The following PDE4D variants were observed in gnomAD, a reference collection of about 807,000 sequenced individuals.
PDE4D encodes phosphodiesterase 4D, also known as 3',5'-cyclic-AMP phosphodiesterase 4D.
In PDE4D, 24 loss-of-function variants were observed where a neutral mutation model predicts 87.4. That is an observed-to-expected ratio of 0.27 (90% CI 0.20 to 0.39). The LOEUF is 0.39. PDE4D is among the 10% of genes least tolerant of loss of function. The probability of loss-of-function intolerance (pLI) is 1.00; values close to 1 mark genes in which losing one functional copy is unlikely to be tolerated. For synonymous variants in PDE4D, 384 were observed against 383.2 expected (o/e 1.00, Z -0.02); for missense variants, 714 against 1,041.0 (o/e 0.69, Z 4.32).
Position 58,990,906 on chromosome 5 carries a change from G to C in PDE4D, c.1189-4C>G, listed in dbSNP as rs748827625. On this transcript the variant is annotated splice_polypyrimidine_tract_variant and splice_region_variant and intron_variant, in intron 8 of 14. Transcript: ENST00000340635. The stretch of plus-strand genomic sequence containing the variant: ...ATTTGTTCACATCTTCTAGTTCCTG[G>C]AGTGAAAAAAAAAAAAAGATACTAA... 1.6e-5 allele frequency: 23 copies of C among 1,447,172 alleles called. No homozygotes were observed. Among genetic ancestry groups the C allele is most frequent in the Non-Finnish European group, 1.9e-5 (20 of 1,058,992 alleles). 89.6% of individuals were successfully genotyped at this position (1,447,172 alleles called of 1,614,324 possible). A position where few individuals can be genotyped will look rare whatever the true frequency, so the allele number is the denominator to read the frequency against.
chr5:59,250,778 C>T (rs532580680), intron 1 of PDE4D, among the ~76,000 whole-genome samples: 5 of 152,118 alleles, frequency 3.3e-5, no homozygotes, highest in Non-Finnish European at 5.9e-5. Flanking sequence ...CAACTTCAAA[C>T]TATAATACAA....
intron 3 of PDE4D, among the ~76,000 whole-genome samples, chr5:59,913,286 T>A (rs1753649566): frequency 1.3e-5 from 2 of 152,204 alleles, no homozygotes; most frequent in African/African-American, 4.8e-5. Context: ...AAACATTGAC[T>A]CTTTCAAGTC....
At chr5:60,452,137 T>A (rs72755123) in intron 1 of PDE4D, among the ~76,000 whole-genome samples, 265 of 152,168 alleles carry the variant, frequency 1.7e-3, no homozygotes, top group Non-Finnish European at 3.1e-3. Flanking sequence ...AAGAAAAGCC[T>A]CAGGATTTGG....
chr5:59,296,659 G>A (rs528671973), intron 1 of PDE4D, among the ~76,000 whole-genome samples: 3 of 152,188 alleles, frequency 2.0e-5, no homozygotes, highest in South Asian at 2.1e-4. Context: ...GCAGCTGTAA[G>A]TTGATGTTTA....
chr5:59,380,027 T>C (rs1490039583), intron 1 of PDE4D, among the ~76,000 whole-genome samples: 2 of 152,094 alleles, frequency 1.3e-5, no homozygotes, highest in Non-Finnish European at 2.9e-5. Context: ...ACTGTTACCA[T>C]CTTTGTGTCC....
intron 1 of PDE4D, among the ~76,000 whole-genome samples, chr5:60,519,889 G>A (rs2150265334): frequency 6.6e-6 from 1 of 152,234 alleles, no homozygotes; most frequent in Non-Finnish European, 1.5e-5. Context: ...ATATATGTAG[G>A]AGAAAAAACA....
intron 1 of PDE4D, among the ~76,000 whole-genome samples, chr5:60,200,860 A>C (rs1046465788): frequency 2.0e-5 from 3 of 152,188 alleles, no homozygotes; most frequent in African/African-American, 7.2e-5. Context: ...GTAATAGACC[A>C]AGGGAAAAGA....
In PDE4D at chr5:58,974,672, C is replaced by T; in HGVS notation, c.2422G>A (p.Asp808Asn). The T allele has an allele frequency of 6.4e-7, 1 of 1,563,538 alleles. No individual in the cohort carries two copies. Among genetic ancestry groups the T allele is most frequent in the Non-Finnish European group, 8.7e-7 (1 of 1,154,326 alleles). ...TGAAAGTTTTTGCACTGTTACGTGT[C>T]AGGAGAACGATCATCTATGACACAG... is the stretch of plus-strand genomic sequence containing the variant. ...EACVIDDRSP[D>N]T Residue 808 changes from aspartate to asparagine, a missense_variant, in exon 15 of 15, where the codon GAC becomes AAC. By Grantham distance (23) the Asp-to-Asn change is conservative. Transcript: ENST00000340635.
chr5:60,348,087 C>A (rs1295698882), intron 1 of PDE4D, among the ~76,000 whole-genome samples: 3 of 151,302 alleles, frequency 2.0e-5, no homozygotes, highest in African/African-American at 7.3e-5. Context: ...TCAAGTGTTT[C>A]TTAATTTGAC....
chr5:59,124,832 G>A (rs1165670141), intron 5 of PDE4D, among the ~76,000 whole-genome samples: 2 of 152,116 alleles, frequency 1.3e-5, no homozygotes, highest in Non-Finnish European at 2.9e-5. Flanking sequence ...TGGCAGTGAT[G>A]GTGGGGAAAT....
At chr5:59,577,205 T>C (rs564296732) in intron 1 of PDE4D, among the ~76,000 whole-genome samples, 3 of 152,282 alleles carry the variant, frequency 2.0e-5, no homozygotes, top group South Asian at 2.1e-4. Context: ...ATATGGAATA[T>C]GTTTTCTCAA....
Position 59,871,593 on chromosome 5 carries a change from G to T in PDE4D, c.455+21575C>A, listed in dbSNP as rs1222194584. ...CATGCTGAAAGCATACACTTCGGTT[G>T]CTTAATTAGTACAACTTCAGTATTT... is the stretch of plus-strand genomic sequence containing the variant. On this transcript the variant is annotated intron_variant, in intron 1 of 14. Transcript: ENST00000340635. Among the ~76,000 whole-genome samples the T allele has an allele frequency of 2.0e-5, 3 of 152,318 alleles. No homozygotes were observed. The East Asian group carries it at 5.8e-4, about 29-fold the overall frequency.
At chr5:59,232,350 C>A (rs1480625996) in intron 1 of PDE4D, among the ~76,000 whole-genome samples, 2 of 151,892 alleles carry the variant, frequency 1.3e-5, no homozygotes, top group African/African-American at 4.8e-5. Context: ...CCCAAATAAT[C>A]CCATCAAAAA....
chr5:59,695,911 TTTAA>T (rs1751713783), intron 1 of PDE4D, among the ~76,000 whole-genome samples: 1 of 152,184 alleles, frequency 6.6e-6, no homozygotes, highest in East Asian at 1.9e-4. Flanking sequence ...TCTTGGCTGA[TTTAA>T]TTATTGTTAA....
chr5:59,606,165 C>A (rs1025130132), intron 1 of PDE4D, among the ~76,000 whole-genome samples: 1 of 151,958 alleles, frequency 6.6e-6, no homozygotes, highest in Non-Finnish European at 1.5e-5. Flanking sequence ...ATGTGAACCC[C>A]AGATCAACTC....
intron 1 of PDE4D, among the ~76,000 whole-genome samples, chr5:59,527,141 G>A (rs745774624): frequency 1.2e-4 from 19 of 152,126 alleles, no homozygotes; most frequent in Non-Finnish European, 2.8e-4. Context: ...AATAACCACT[G>A]AATGGCATGG....
rs192182976 is a variant in PDE4D, at chr5:59,108,936, A to G, written c.809-69965T>C. Among the ~76,000 whole-genome samples the G allele has an allele frequency of 6.2e-4, 92 of 148,494 alleles. 3 individuals carry two copies. Among genetic ancestry groups the G allele is most frequent in the East Asian group, 5.0e-3 (25 of 5,032 alleles). ...AAAAAAAAGAAAGAAATTAAAAAAA[A>G]CAAATTCATAGGAACTCAATGTGTG... On this transcript the variant is annotated intron_variant, in intron 5 of 14. Coordinates refer to ENST00000340635, the MANE Select transcript of PDE4D (RefSeq NM_001104631.2).
chr5:59,612,380 A>T (rs893028524), intron 1 of PDE4D, among the ~76,000 whole-genome samples: 1 of 152,136 alleles, frequency 6.6e-6, no homozygotes. Context: ...GGCAAGTCTG[A>T]CAATCCAATA....
At chr5:60,415,810 C>T (rs375523182) in intron 1 of PDE4D, among the ~76,000 whole-genome samples, 99 of 152,360 alleles carry the variant, frequency 6.5e-4, no homozygotes, top group African/African-American at 2.4e-3. Context: ...AGGCGTAGGG[C>T]GCGGGACTGG....
Sources: gnomAD v4.1 joint callset for allele counts (sites outside exome capture counted in the v4.1 genomes callset) on GRCh38, gnomAD v4.1.1 for gene constraint, MANE v1.5 for transcripts, NCBI Gene and HGNC (gene_info 2026-07-23, HGNC 2026-07-21) for gene names.